SPATA6: variants seen among roughly 807,000 people sequenced by gnomAD.
SPATA6 encodes the protein spermatogenesis-associated protein 6.
A neutral mutation model predicts 65.3 loss-of-function variants in SPATA6; 56 were observed. That is an observed-to-expected ratio of 0.86 (90% CI 0.69 to 1.07). SPATA6 has a LOEUF of 1.07. Ranked by LOEUF, SPATA6 falls within the 50% of genes least tolerant of loss-of-function variation. The probability of loss-of-function intolerance (pLI) is 0.00; values close to 1 mark genes in which losing one functional copy is unlikely to be tolerated. For synonymous variants in SPATA6, 199 were observed against 213.2 expected, an observed-to-expected ratio of 0.93 and a Z score of 0.58; for missense variants, 590 against 594.8, an observed-to-expected ratio of 0.99 and a Z score of 0.08.
In SPATA6 at chr1:48,361,077, A is replaced by G. The variant is rs1646799252; in HGVS notation, c.910-1307T>C. 3.9e-5 allele frequency among the ~76,000 whole-genome samples: 6 copies of G among 152,180 alleles called. No individual in the cohort carries two copies. The South Asian group carries it at 1.2e-3, about 32-fold the overall frequency. ...ATATATTACAGCAGAGTTTGGGGGAAAGTCCAGGATGAAAATATAAATTGG... is the reference window on the plus strand; with the variant it reads ...ATATATTACAGCAGAGTTTGGGGGAGAGTCCAGGATGAAAATATAAATTGG... On this transcript the variant is annotated intron_variant, in intron 9 of 12. Coordinates refer to ENST00000371847, the MANE Select transcript of SPATA6 (RefSeq NM_019073.4).
intron 11 of SPATA6, among the ~76,000 whole-genome samples, chr1:48,341,243 C>T (rs777838644): frequency 6.6e-6 from 1 of 152,186 alleles, no homozygotes; most frequent in South Asian, 2.1e-4. Flanking sequence ...AGAATACACA[C>T]AGTAGTACCC....
rs566542248 is a variant in SPATA6, at chr1:48,421,345, A to G, written c.239-8194T>C. Among the ~76,000 whole-genome samples, 121 of 152,230 alleles carry G rather than the reference A, an allele frequency of 7.9e-4. 1 individual carries two copies. The highest frequency in any genetic ancestry group is 2.8e-3 in the African/African-American group (118 of 41,562). The stretch of plus-strand genomic sequence containing the variant: ...AATTATTATGTCAATTAAAAATAAA[A>G]TAAAACTTGAAAAAAAAAGAAAGCT... On this transcript the variant is annotated intron_variant, in intron 3 of 12. Transcript: ENST00000371847.
chr1:48,465,455 A>G (rs1657743196), intron 1 of SPATA6, among the ~76,000 whole-genome samples: 1 of 152,168 alleles, frequency 6.6e-6, no homozygotes, highest in Admixed American at 6.6e-5. Context: ...TTCCATTTCT[A>G]GATCTACTCC....
chr1:48,446,034 G>T (rs940852934), intron 3 of SPATA6, among the ~76,000 whole-genome samples: 1 of 152,132 alleles, frequency 6.6e-6, no homozygotes, highest in Non-Finnish European at 1.5e-5. Flanking sequence ...TTAATATAAA[G>T]AACAGTTAAC....
chr1:48,451,650 T>C (rs1656583569), intron 2 of SPATA6, 50 bp from the exon 3 acceptor site: 3 of 1,554,740 alleles, frequency 1.9e-6, no homozygotes, highest in Admixed American at 4.0e-5. Context: ...ATATATTTTT[T>C]TTCTCCCTTC....
At chr1:48,457,561 A>G (rs1657104793) in intron 1 of SPATA6, among the ~76,000 whole-genome samples, 1 of 152,264 alleles carries the variant, frequency 6.6e-6, no homozygotes. Flanking sequence ...CTGATTTCTC[A>G]TCAGAAACAT....
intron 9 of SPATA6, among the ~76,000 whole-genome samples, chr1:48,366,694 T>G (rs1355421877): frequency 1.3e-5 from 2 of 152,224 alleles, no homozygotes; most frequent in Non-Finnish European, 2.9e-5. Flanking sequence ...CTTTTCTTCT[T>G]TATTAATGTT....
At chr1:48,283,717 G>GAAAGA in the SPATA6 span, among the ~76,000 whole-genome samples, 35 of 134,774 alleles carry the variant, frequency 2.6e-4, no homozygotes, top group African/African-American at 1.1e-3. Flanking sequence ...AAGAAAGAAA[G>GAAAGA]AAAGAAAATT....
the SPATA6 span, among the ~76,000 whole-genome samples, chr1:48,289,094 C>A: frequency 6.6e-6 from 1 of 152,224 alleles, no homozygotes; most frequent in Admixed American, 6.5e-5. Context: ...AGGCACCTCC[C>A]AGTAGGGGCT....
chr1:48,413,228 C>A, intron 3 of SPATA6, 77 bp from the exon 4 acceptor site: 2 of 691,074 alleles, frequency 2.9e-6, no homozygotes, highest in South Asian at 5.0e-5. Flanking sequence ...ATGGGAGTGT[C>A]TAAAAGCCAA....
At position 48,436,937 on chromosome 1, in the gene SPATA6, C is replaced by T. The variant is rs970960362; in HGVS notation, c.238+14615G>A. 5 of 1,613,150 alleles carry T rather than the reference C, an allele frequency of 3.1e-6. No individual in the cohort carries two copies. In the African/African-American group the frequency reaches 6.7e-5, roughly 22 times the overall value. On this transcript the variant is annotated intron_variant, in intron 3 of 12. Coordinates refer to ENST00000371847, the MANE Select transcript of SPATA6 (RefSeq NM_019073.4). The stretch of plus-strand genomic sequence containing the variant: ...GTGCTTGTCTCCAGTGGAACTCACA[C>T]AGTAAATAGTGACCGATTACACACA...
At chr1:48,422,392 T>A (rs1028213825) in intron 3 of SPATA6, among the ~76,000 whole-genome samples, 1 of 152,090 alleles carries the variant, frequency 6.6e-6, no homozygotes, top group Admixed American at 6.6e-5. Flanking sequence ...AATGAAAGAC[T>A]GGAAAAGCTG....
intron 11 of SPATA6, among the ~76,000 whole-genome samples, chr1:48,334,273 C>T (rs903656699): frequency 6.6e-6 from 1 of 151,858 alleles, no homozygotes; most frequent in Non-Finnish European, 1.5e-5. Flanking sequence ...CTCCTCAACT[C>T]ATTCAATGAG....
chr1:48,422,117 G>GA (rs1269188749), intron 3 of SPATA6, among the ~76,000 whole-genome samples: 1 of 152,158 alleles, frequency 6.6e-6, no homozygotes, highest in Non-Finnish European at 1.5e-5. Flanking sequence ...GGAGAGTATA[G>GA]AAAGGGTGAG....
the SPATA6 span, among the ~76,000 whole-genome samples, chr1:48,269,550 T>A: frequency 6.6e-6 from 1 of 152,120 alleles, no homozygotes; most frequent in Non-Finnish European, 1.5e-5. Flanking sequence ...TAAGGCCTAA[T>A]ATATGACAAA....
At chr1:48,345,535 A>C (rs1188049589) in intron 11 of SPATA6, among the ~76,000 whole-genome samples, 1 of 152,130 alleles carries the variant, frequency 6.6e-6, no homozygotes, top group African/African-American at 2.4e-5. Flanking sequence ...AAAACCATTC[A>C]AAAGATCAAC....
At chr1:48,422,723 AT>A (rs1653462497) in intron 3 of SPATA6, among the ~76,000 whole-genome samples, 1 of 152,054 alleles carries the variant, frequency 6.6e-6, no homozygotes, top group Admixed American at 6.6e-5. Context: ...TATTTTTACA[AT>A]TTTTCACATA....
intron 1 of SPATA6, among the ~76,000 whole-genome samples, chr1:48,459,254 G>A (rs1452566977): frequency 2.7e-5 from 4 of 145,764 alleles, no homozygotes; most frequent in Non-Finnish European, 6.0e-5. Context: ...GAATAATATT[G>A]CAACTTCAAA....
At position 48,370,051 on chromosome 1, in the gene SPATA6, G is replaced by A. The variant is rs530066342; in HGVS notation, c.910-10281C>T. Among the ~76,000 whole-genome samples, 229 of 152,282 alleles carry A rather than the reference G, an allele frequency of 1.5e-3. 1 individual carries two copies. Among genetic ancestry groups the A allele is most frequent in the Admixed American group, 2.5e-3 (39 of 15,298 alleles). On this transcript the variant is annotated intron_variant, in intron 9 of 12. Coordinates refer to ENST00000371847, the MANE Select transcript of SPATA6 (RefSeq NM_019073.4). ...TCCTGAAAAGTTGCTTACACAGTAAGTTGACAAATCATATTATTGGCCATA... is the reference window on the plus strand; with the variant it reads ...TCCTGAAAAGTTGCTTACACAGTAAATTGACAAATCATATTATTGGCCATA...
Sources: allele counts gnomAD v4.1 joint callset (sites outside exome capture counted in the v4.1 genomes callset), GRCh38; gene constraint gnomAD v4.1.1; transcripts MANE v1.5; gene names NCBI Gene and HGNC (gene_info 2026-07-23, HGNC 2026-07-21).